ACLY: variants seen among roughly 807,000 people sequenced by gnomAD.
ACLY encodes ATP citrate lyase.
ACLY carries 41 observed loss-of-function variants against 133.0 expected under a neutral mutation model. The ratio of observed to expected loss-of-function variants is 0.31; its 90% CI spans 0.24 to 0.40. The LOEUF (loss-of-function observed/expected upper bound fraction) is 0.40, where lower values mean the gene tolerates loss of function less well. Among genes scored for constraint, ACLY ranks in the 10% least tolerant of loss-of-function variants. The pLI, the probability that ACLY is intolerant of heterozygous loss-of-function variation, is 1.00. For missense variants in ACLY, 1,046 were observed against 1,453.8 expected, an observed-to-expected ratio of 0.72 and a Z score of 4.56; for synonymous variants, 495 against 549.3, an observed-to-expected ratio of 0.90 and a Z score of 1.38.
At position 41,909,578 on chromosome 17, in the gene ACLY, C is replaced by T. The variant is rs781839661; in HGVS notation, c.468G>A (p.Val156=). ...TGTCCTCAGGATTCAGTTTCTCATC[C>T]ACGCCAACAAGCAGCTTCTGGGCCT... is the stretch of plus-strand genomic sequence containing the variant. ...DAKAQKLLVG[V]DEKLNPEDIK... Residue 156 remains valine (V), a synonymous_variant, in exon 5 of 29, where the codon GTG becomes GTA. Transcript: ENST00000352035. 7.4e-6 allele frequency: 12 copies of T among 1,614,078 alleles called. No individual in the cohort carries two copies. Among genetic ancestry groups the T allele is most frequent in the Middle Eastern group, 1.6e-4 (1 of 6,084 alleles).
chr17:41,872,364 C>T (rs782715412), intron 23 of ACLY, among the ~76,000 whole-genome samples, 182 bp from the exon 24 acceptor site: 1 of 152,188 alleles, frequency 6.6e-6, no homozygotes, highest in African/African-American at 2.4e-5. Context: ...CTCATTCTGT[C>T]GCCTAGGCTG....
In ACLY at chr17:41,869,568, C is replaced by T; in HGVS notation, c.2957G>A (p.Arg986Gln). 3.1e-6 allele frequency: 5 copies of T among 1,614,044 alleles called. No homozygotes were observed. Among genetic ancestry groups the T allele is most frequent in the Non-Finnish European group, 4.2e-6 (5 of 1,179,984 alleles). Residue 986 changes from arginine to glutamine, a missense_variant, in exon 26 of 29, where the codon CGA becomes CAA. Physicochemically the swap from Arg to Gln is conservative, Grantham distance 43. Coordinates refer to ENST00000352035, the MANE Select transcript of ACLY (RefSeq NM_001096.3). ...GACGTAATCTTTGAGGATCTGCACT[C>T]GCATGTCTGGGTTGTTTATCTAGAA... ...RVKSINNPDM[R>Q]VQILKDYVRQ...
chr17:41,892,261 C>T lies in ACLY; in HGVS notation c.1770+18G>A. The T allele has an allele frequency of 8.6e-6, 3 of 350,856 alleles. No individual in the cohort carries two copies. The highest frequency in any genetic ancestry group is 3.7e-5 in the South Asian group (1 of 27,058). The allele number at this position is 350,856 out of a possible 1,614,324, so 21.7% of individuals were successfully genotyped here. On this transcript the variant is annotated intron_variant, in intron 16 of 28. Coordinates refer to ENST00000352035, the MANE Select transcript of ACLY (RefSeq NM_001096.3). Reference sequence around the variant, plus strand: ...TTCATGGTCCCCACCCCCCACCCTCCAGAGCCCAGTGATCTACCTGGGCAT... The same window carrying T: ...TTCATGGTCCCCACCCCCCACCCTCTAGAGCCCAGTGATCTACCTGGGCAT...
chr17:41,876,090 C>G (rs1295733504), intron 22 of ACLY, among the ~76,000 whole-genome samples: 2 of 151,950 alleles, frequency 1.3e-5, no homozygotes, highest in African/African-American at 4.8e-5. Flanking sequence ...AGGAGATCCT[C>G]TGCCTGGCAA....
intron 22 of ACLY, among the ~76,000 whole-genome samples, chr17:41,875,740 A>G (rs2048726980): frequency 1.3e-5 from 2 of 152,210 alleles, no homozygotes; most frequent in Admixed American, 6.5e-5. Flanking sequence ...TCGTTCACTC[A>G]GTGCTCAATG....
chr17:41,875,239 A>T (rs1237229982), intron 22 of ACLY, among the ~76,000 whole-genome samples: 3 of 151,480 alleles, frequency 2.0e-5, no homozygotes, highest in Non-Finnish European at 2.9e-5. Context: ...AACCCCAGTT[A>T]CTCGGGAGGC....
chr17:41,929,513 G>A (rs571600973), intron 1 of ACLY, among the ~76,000 whole-genome samples: 8 of 152,180 alleles, frequency 5.3e-5, no homozygotes, highest in African/African-American at 9.6e-5. Flanking sequence ...ATTTGCCTGG[G>A]TTTCACACCA....
Position 41,906,595 on chromosome 17 carries a change from T to A in ACLY, c.799A>T (p.Thr267Ser). 6.2e-7 allele frequency: 1 copy of A among 1,614,162 alleles called. No homozygotes were observed. Reference sequence around the variant, plus strand: ...ATCCTCCCTTTGGGGTTCAGCAAGGTCAGCTTCAGGCTTGCCCCACTTTTG... The same window carrying A: ...ATCCTCCCTTTGGGGTTCAGCAAGGACAGCTTCAGGCTTGCCCCACTTTTG... ...DAKSGASLKL[T>S]LLNPKGRIWT... The change falls in exon 8 of 29, where the codon ACC (threonine) becomes TCC (serine). Residue 267 changes from threonine to serine, a missense_variant. Around this residue, in one of 4 missense-constraint regions of ACLY, gnomAD observed 575 missense variants for 804.2 expected, o/e 0.71. Coordinates refer to ENST00000352035, the MANE Select transcript of ACLY (RefSeq NM_001096.3).
intron 16 of ACLY, among the ~76,000 whole-genome samples, chr17:41,890,548 C>G (rs1261609996): frequency 6.6e-6 from 1 of 151,260 alleles, no homozygotes; most frequent in East Asian, 1.9e-4. Flanking sequence ...ATTAGCCGGG[C>G]ATGGTGGCAG....
rs1555624117 is a variant in ACLY, at chr17:41,867,628, CTTTGTGTGG to C, written c.*173_*181del. 57 of 422,030 alleles carry C rather than the reference CTTTGTGTGG, an allele frequency of 1.4e-4. No homozygotes were observed. The highest frequency in any genetic ancestry group is 2.0e-4 in the Non-Finnish European group (48 of 236,706). 26.1% of individuals were successfully genotyped at this position (422,030 alleles called of 1,614,324 possible). A position where few individuals can be genotyped will look rare whatever the true frequency, so the allele number is the denominator to read the frequency against. On this transcript the variant is annotated 3_prime_UTR_variant, in exon 29 of 29. Transcript: ENST00000352035. ...TGCTTATAAAAAAAATATGAAGCTT[CTTTGTGTGG>C]ACTGAAGGGGTGTTAGCCTGTGGAT...
Position 41,892,309 on chromosome 17 carries a change from G to A in ACLY, c.1740C>T (p.Asp580=). The part of the protein sequence containing the change: ...INFASLRSAY[D]STMETMNYAQ... ...CATAGTTCATGGTCTCCATGGTGCTGTCATAGGCAGAGCGGAGAGAGGCAA... is the reference window on the plus strand; with the variant it reads ...CATAGTTCATGGTCTCCATGGTGCTATCATAGGCAGAGCGGAGAGAGGCAA... Residue 580 remains aspartate (D), a synonymous_variant, in exon 16 of 29, where the codon GAC becomes GAT. Coordinates refer to ENST00000352035, the MANE Select transcript of ACLY (RefSeq NM_001096.3). 1 of 1,610,378 alleles carries A rather than the reference G, an allele frequency of 6.2e-7. No individual in the cohort carries two copies. The highest frequency in any genetic ancestry group is 8.5e-7 in the Non-Finnish European group (1 of 1,178,744).
intron 3 of ACLY, among the ~76,000 whole-genome samples, chr17:41,912,140 T>C (rs1756429533): frequency 6.6e-6 from 1 of 151,424 alleles, no homozygotes; most frequent in African/African-American, 2.4e-5. Flanking sequence ...AATCAGACCA[T>C]TTCCACCTGG....
At chr17:41,869,209 G>A (rs782055612) in intron 26 of ACLY, 84 bp from the exon 27 acceptor site, 21 of 1,206,864 alleles carry the variant, frequency 1.7e-5, no homozygotes, top group South Asian at 5.1e-5. Flanking sequence ...CTATTACTAC[G>A]AATTGTGACC....
chr17:41,911,651 T>TA lies in ACLY; in HGVS notation c.282+768dup, dbSNP rs568134487. On this transcript the variant is annotated intron_variant, in intron 3 of 28. Transcript: ENST00000352035. ...GGTAACATTCAAGACCCTAACTCTA[T>TA]AAAAAAATGTTAAAAAGCAGCCTGG... Among the ~76,000 whole-genome samples, 348 of 150,604 alleles carry TA rather than the reference T, an allele frequency of 2.3e-3. 1 individual carries two copies. The highest frequency in any genetic ancestry group is 8.2e-3 in the African/African-American group (335 of 40,872).
At chr17:41,888,139 C>A (rs1392134577) in intron 16 of ACLY, among the ~76,000 whole-genome samples, 2 of 151,892 alleles carry the variant, frequency 1.3e-5, no homozygotes, top group African/African-American at 4.8e-5. Context: ...AAAACAAAAA[C>A]AAAACAAAAC....
intron 22 of ACLY, among the ~76,000 whole-genome samples, chr17:41,874,654 A>T (rs2048686352): frequency 6.6e-6 from 1 of 151,082 alleles, no homozygotes; most frequent in Non-Finnish European, 1.5e-5. Flanking sequence ...GCTCACTGCA[A>T]GCTCCGCCTC....
At chr17:41,895,733 A>G (rs1175972621) in intron 14 of ACLY, among the ~76,000 whole-genome samples, 1 of 152,202 alleles carries the variant, frequency 6.6e-6, no homozygotes, top group East Asian at 1.9e-4. Flanking sequence ...AGGCAAAAAC[A>G]TCAGGATTAA....
rs528580372 is a variant in ACLY, at chr17:41,901,362, C to G, written c.1183+334G>C. 9.2e-5 allele frequency among the ~76,000 whole-genome samples: 14 copies of G among 152,292 alleles called. 1 individual carries two copies. Among genetic ancestry groups the G allele is most frequent in the African/African-American group, 3.4e-4 (14 of 41,570 alleles). On this transcript the variant is annotated intron_variant, in intron 11 of 28. Coordinates refer to ENST00000352035, the MANE Select transcript of ACLY (RefSeq NM_001096.3). The stretch of plus-strand genomic sequence containing the variant: ...TTTCCTTCCTGGCACTCGGCACCCC[C>G]TGACATAGCAGTTTGTGTCCTCCGT...
chr17:41,889,561 T>C (rs1266432834), intron 16 of ACLY, among the ~76,000 whole-genome samples: 3 of 29,534 alleles, frequency 1.0e-4, no homozygotes, highest in South Asian at 1.6e-3. Flanking sequence ...AAAAAAGAAG[T>C]AGCTCATTTT....
Sources: allele counts gnomAD v4.1 joint callset (sites outside exome capture counted in the v4.1 genomes callset), GRCh38; gene constraint gnomAD v4.1.1; regional missense constraint gnomAD v4.1.1; transcripts MANE v1.5; gene names NCBI Gene and HGNC (gene_info 2026-07-23, HGNC 2026-07-21).